The following CCDC171 variants were observed in gnomAD, a reference collection of about 807,000 sequenced individuals.
The protein encoded by CCDC171 is coiled-coil domain containing 171, also known as coiled-coil domain-containing protein 171.
Under a neutral mutation model 168.2 loss-of-function variants are expected in CCDC171, and 177 were observed. The observed-to-expected ratio is 1.05, with a 90% CI of 0.93 to 1.19. The LOEUF (loss-of-function observed/expected upper bound fraction) is 1.19, where lower values mean the gene tolerates loss of function less well. CCDC171 is among the 50% of genes most tolerant of loss of function. CCDC171 has a pLI of 0.00. For synonymous variants in CCDC171, 687 were observed against 540.8 expected (o/e 1.27, Z -3.75); for missense variants, 1,991 against 1,539.0 (o/e 1.29, Z -4.91).
intron 7 of CCDC171, among the ~76,000 whole-genome samples, chr9:15,632,414 A>G (rs994361760): frequency 6.5e-4 from 99 of 152,144 alleles, no homozygotes; most frequent in Non-Finnish European, 1.3e-3. Context: ...GTGAACTCCC[A>G]TTCACAATTG....
chr9:15,655,459 C>T (rs1406279258), intron 7 of CCDC171, among the ~76,000 whole-genome samples: 1 of 152,096 alleles, frequency 6.6e-6, no homozygotes, highest in African/African-American at 2.4e-5. Context: ...CCGCTACTTC[C>T]CAGGGGTGCA....
At chr9:16,102,399 C>T in the CCDC171 span, among the ~76,000 whole-genome samples, 6 of 149,874 alleles carry the variant, frequency 4.0e-5, no homozygotes, top group African/African-American at 7.4e-5. Context: ...GTTGCTGGCT[C>T]GCTAAGTAAA....
intron 21 of CCDC171, among the ~76,000 whole-genome samples, chr9:15,802,884 A>G (rs1236346448): frequency 5.3e-5 from 8 of 152,026 alleles, no homozygotes; most frequent in Admixed American, 4.6e-4. Context: ...CAGTATAAAA[A>G]TGTTCCTTTT....
rs147059669 is a variant in CCDC171 at position 16,032,937 on chromosome 9, T to G, written n.999-2520T>G. ...TTTAATGAGCTCTAAAAGCCTTCTG[T>G]CTTAGTAAGCTCCTCCCCAAGATCC... On this transcript the variant is annotated intron_variant and non_coding_transcript_variant, in intron 6 of 9. Transcript: ENST00000486641. Among the ~76,000 whole-genome samples the G allele has an allele frequency of 5.3e-5, 8 of 152,216 alleles. No homozygotes were observed. The East Asian group carries it at 1.5e-3, about 29-fold the overall frequency.
chr9:16,095,279 G>C, the CCDC171 span, among the ~76,000 whole-genome samples: 3 of 152,178 alleles, frequency 2.0e-5, no homozygotes, highest in Non-Finnish European at 4.4e-5. Context: ...CCTTCGGTGA[G>C]CATGGGCTGC....
At chr9:15,918,078 A>T (rs145553096) in intron 24 of CCDC171, among the ~76,000 whole-genome samples, 4 of 151,802 alleles carry the variant, frequency 2.6e-5, no homozygotes, top group Non-Finnish European at 4.4e-5. Context: ...CTTGAGAAAT[A>T]CTTGGATTTG....
chr9:15,969,745 A>G (rs1024315973), intron 25 of CCDC171, among the ~76,000 whole-genome samples: 7 of 151,938 alleles, frequency 4.6e-5, no homozygotes, highest in Admixed American at 1.3e-4. Context: ...CATTCCCCTA[A>G]CCCCCAGGCC....
At chr9:15,667,342 A>T (rs1218183389) in intron 9 of CCDC171, among the ~76,000 whole-genome samples, 2 of 152,078 alleles carry the variant, frequency 1.3e-5, no homozygotes, top group Non-Finnish European at 2.9e-5. Flanking sequence ...CAATATAAAG[A>T]TCCCTTTTAA....
chr9:15,804,009 T>G (rs772086890), intron 21 of CCDC171, among the ~76,000 whole-genome samples: 2 of 152,068 alleles, frequency 1.3e-5, no homozygotes, highest in African/African-American at 4.8e-5. Flanking sequence ...TGAATGGGAG[T>G]TCATTCATGA....
At chr9:15,867,757 G>T (rs147168670) in intron 23 of CCDC171, among the ~76,000 whole-genome samples, 7 of 152,020 alleles carry the variant, frequency 4.6e-5, no homozygotes, top group Non-Finnish European at 1.0e-4. Flanking sequence ...ACTAATTTCA[G>T]CGTGTATCTG....
chr9:15,997,700 G>T (rs1346314761), intron 3 of CCDC171, among the ~76,000 whole-genome samples: 1 of 152,062 alleles, frequency 6.6e-6, no homozygotes, highest in Non-Finnish European at 1.5e-5. Flanking sequence ...ACCTCTGCTG[G>T]TCTCAGGGAA....
intron 3 of CCDC171, among the ~76,000 whole-genome samples, chr9:15,575,211 G>C (rs1327600765): frequency 7.2e-6 from 1 of 139,792 alleles, no homozygotes; most frequent in East Asian, 2.1e-4. Flanking sequence ...TGTCACCCAG[G>C]TTGGAGTGCA....
In CCDC171 at chr9:15,972,099, G is replaced by T; in HGVS notation, c.*263G>T. 2 of 413,120 alleles carry T rather than the reference G, an allele frequency of 4.8e-6. No individual in the cohort carries two copies. The highest frequency in any genetic ancestry group is 8.0e-5 in the South Asian group (2 of 24,898). 25.6% of individuals were successfully genotyped at this position (413,120 alleles called of 1,614,324 possible). A position where few individuals can be genotyped will look rare whatever the true frequency, so the allele number is the denominator to read the frequency against. On this transcript the variant is annotated 3_prime_UTR_variant, in exon 26 of 26. Coordinates refer to ENST00000380701, the MANE Select transcript of CCDC171 (RefSeq NM_173550.4). ...AAATGTTAAGGAATGACACATTTTG[G>T]GTAATTTCCCTCAGACTTAAAAAAA...
chr9:15,898,239 A>C (rs1009193295), intron 24 of CCDC171, among the ~76,000 whole-genome samples: 1 of 152,162 alleles, frequency 6.6e-6, no homozygotes, highest in Non-Finnish European at 1.5e-5. Flanking sequence ...ACTTCCATAC[A>C]TTCTAACTTA....
chr9:15,738,908 C>T (rs1166116212), intron 16 of CCDC171, among the ~76,000 whole-genome samples: 1 of 152,094 alleles, frequency 6.6e-6, no homozygotes. Flanking sequence ...GGGCAAAACA[C>T]TGTGCTAAGC....
Position 15,571,631 on chromosome 9 carries a change from A to T in CCDC171, c.49A>T (p.Ile17Phe). Residue 17 changes from isoleucine (I) to phenylalanine (F), a missense_variant, in exon 3 of 26, where the codon ATT becomes TTT. Physicochemically the swap from Ile to Phe is conservative, Grantham distance 21. Coordinates refer to ENST00000380701, the MANE Select transcript of CCDC171 (RefSeq NM_173550.4). Reference protein sequence around the residue: ...SNTGDTQRLKIASLDVKQILK... With the variant: ...SNTGDTQRLKFASLDVKQILK... ...TGTAATCTCATTTTAAAGGTTGAAG[A>T]TTGCCTCATTGGATGTAAAACAAAT... 1 of 1,553,048 alleles carries T rather than the reference A, an allele frequency of 6.4e-7. No individual in the cohort carries two copies. The highest frequency in any genetic ancestry group is 8.6e-7 in the Non-Finnish European group (1 of 1,156,304).
At chr9:15,728,824 A>G (rs1280958094) in intron 15 of CCDC171, among the ~76,000 whole-genome samples, 1 of 152,134 alleles carries the variant, frequency 6.6e-6, no homozygotes, top group Non-Finnish European at 1.5e-5. Flanking sequence ...CTTAAGGGAC[A>G]AGAAGAGAAA....
At chr9:16,104,569 G>C in the CCDC171 span, among the ~76,000 whole-genome samples, 1 of 152,188 alleles carries the variant, frequency 6.6e-6, no homozygotes, top group East Asian at 1.9e-4. Flanking sequence ...CAGGGAGGCA[G>C]GATTACAGGA....
chr9:16,100,604 C>G, the CCDC171 span, among the ~76,000 whole-genome samples: 1 of 152,226 alleles, frequency 6.6e-6, no homozygotes, highest in South Asian at 2.1e-4. Flanking sequence ...TTAGTGAGAA[C>G]TGGAAAGAAT....
Sources: gnomAD v4.1 joint callset for allele counts (sites outside exome capture counted in the v4.1 genomes callset) on GRCh38, gnomAD v4.1.1 for gene constraint, MANE v1.5 for transcripts, NCBI Gene and HGNC (gene_info 2026-07-23, HGNC 2026-07-21) for gene names.